ZNF385D: variants seen among roughly 807,000 people sequenced by gnomAD.
ZNF385D encodes zinc finger protein 385D.
A neutral mutation model predicts 35.8 loss-of-function variants in ZNF385D; 15 were observed. The observed-to-expected ratio is 0.42, with a 90% CI of 0.28 to 0.64. The LOEUF (loss-of-function observed/expected upper bound fraction) is 0.64, where lower values mean the gene tolerates loss of function less well. Among genes scored for constraint, ZNF385D ranks in the 30% least tolerant of loss-of-function variants. The probability of loss-of-function intolerance (pLI) is 0.23; values close to 1 mark genes in which losing one functional copy is unlikely to be tolerated. For missense variants in ZNF385D, 474 were observed against 494.6 expected (o/e 0.96, Z 0.39); for synonymous variants, 212 against 186.8 (o/e 1.13, Z -1.10).
At chr3:21,428,933 C>CTTTTTTT (rs56827844) in intron 5 of ZNF385D, among the ~76,000 whole-genome samples, 2 of 112,040 alleles carry the variant, frequency 1.8e-5, no homozygotes, top group South Asian at 5.8e-4. Context: ...CCAAGAAATC[C>CTTTTTTT]TTTTTTTTTT....
chr3:21,990,980 A>T (rs1175452370), intron 3 of ZNF385D, among the ~76,000 whole-genome samples: 1 of 152,242 alleles, frequency 6.6e-6, no homozygotes. Context: ...GCACTGTACC[A>T]AGAATTAGAA....
intron 3 of ZNF385D, among the ~76,000 whole-genome samples, chr3:22,131,363 T>A (rs183522962): frequency 1.1e-4 from 16 of 151,452 alleles, no homozygotes; most frequent in Middle Eastern, 3.4e-3. Context: ...CTATTTGGAG[T>A]AGATTAAAAA....
At chr3:21,905,809 T>C (rs1699657238) in intron 3 of ZNF385D, among the ~76,000 whole-genome samples, 1 of 152,068 alleles carries the variant, frequency 6.6e-6, no homozygotes, top group Non-Finnish European at 1.5e-5. Context: ...AAATAAAAAG[T>C]TCATATATTT....
chr3:21,801,050 C>G (rs1246147654), intron 3 of ZNF385D, among the ~76,000 whole-genome samples: 2 of 151,970 alleles, frequency 1.3e-5, no homozygotes, highest in African/African-American at 2.4e-5. Context: ...TTTGTTTTGT[C>G]AAGTAATTTT....
chr3:21,735,206 T>G, intron 1 of ZNF385D, among the ~76,000 whole-genome samples: 1 of 152,132 alleles, frequency 6.6e-6, no homozygotes, highest in East Asian at 1.9e-4. Flanking sequence ...GAAAAGTAAC[T>G]TAATGTCAGT....
At chr3:21,826,873 G>A (rs1019539561) in intron 3 of ZNF385D, among the ~76,000 whole-genome samples, 2 of 151,724 alleles carry the variant, frequency 1.3e-5, no homozygotes, top group African/African-American at 4.8e-5. Context: ...AGTGGTCCCA[G>A]GGTCCTCTCT....
chr3:21,719,541 G>C (rs913966895), intron 1 of ZNF385D, among the ~76,000 whole-genome samples: 16 of 152,112 alleles, frequency 1.1e-4, no homozygotes, highest in Admixed American at 2.6e-4. Flanking sequence ...CATTTTAATA[G>C]TAAAAAAACA....
intron 4 of ZNF385D, among the ~76,000 whole-genome samples, chr3:21,451,168 A>ATATGACGAACCAG (rs1426385469): frequency 7.9e-5 from 12 of 152,224 alleles, no homozygotes; most frequent in Admixed American, 7.9e-4. Flanking sequence ...TGACGAACCA[A>ATATGACGAACCAG]TCAATACGAT....
intron 3 of ZNF385D, among the ~76,000 whole-genome samples, chr3:21,809,127 A>T (rs7644686): frequency 6.6e-6 from 1 of 151,904 alleles, no homozygotes; most frequent in Non-Finnish European, 1.5e-5. Flanking sequence ...TCAAAAACAC[A>T]CAAAGTACCA....
At chr3:21,510,235 G>A (rs4102412) in intron 4 of ZNF385D, among the ~76,000 whole-genome samples, 52,758 of 151,938 alleles carry the variant, frequency 0.35, 9,230 homozygotes, top group African/African-American at 0.37. Flanking sequence ...TAAGCTGGTC[G>A]TTGGCAGGAG....
chr3:22,333,464 T>C (rs1049326421), intron 2 of ZNF385D, among the ~76,000 whole-genome samples: 2 of 152,010 alleles, frequency 1.3e-5, no homozygotes, highest in African/African-American at 2.4e-5. Flanking sequence ...TCATTTTTTT[T>C]CTATCTTTTT....
intron 3 of ZNF385D, among the ~76,000 whole-genome samples, chr3:21,933,227 T>G (rs1701100106): frequency 6.6e-6 from 1 of 152,214 alleles, no homozygotes; most frequent in Non-Finnish European, 1.5e-5. Flanking sequence ...GCTTTTTCTC[T>G]TTTCCCTCCA....
At chr3:21,680,575 A>T (rs891972406) in intron 1 of ZNF385D, among the ~76,000 whole-genome samples, 8 of 152,140 alleles carry the variant, frequency 5.3e-5, no homozygotes, top group African/African-American at 1.7e-4. Flanking sequence ...AACTAATAAT[A>T]TCGGATATGA....
chr3:21,515,455 T>G lies in ZNF385D; in HGVS notation c.277-4432A>C, dbSNP rs147978920. Among the ~76,000 whole-genome samples the G allele has an allele frequency of 5.8e-3, 890 of 152,328 alleles. 7 individuals carry two copies. The highest frequency in any genetic ancestry group is 9.5e-3 in the African/African-American group (394 of 41,578). On this transcript the variant is annotated intron_variant, in intron 3 of 7. Coordinates refer to ENST00000281523, the MANE Select transcript of ZNF385D (RefSeq NM_024697.3). The stretch of plus-strand genomic sequence containing the variant: ...AAAAAGAACAAGGTAGCCTTTTTAG[T>G]TTGTGATGTCATGTAATTTTATCAT...
At chr3:21,874,388 A>AAG (rs1249569644) in intron 3 of ZNF385D, among the ~76,000 whole-genome samples, 6 of 152,020 alleles carry the variant, frequency 3.9e-5, no homozygotes, top group Non-Finnish European at 5.9e-5. Context: ...GGAATTTCTT[A>AAG]AATTTTTTAG....
At chr3:21,753,405 G>C (rs536259001), upstream of ZNF385D, among the ~76,000 whole-genome samples, 46 of 152,230 alleles carry the variant, frequency 3.0e-4, no homozygotes, top group African/African-American at 1.1e-3. Context: ...TATCTATATG[G>C]TCACAAATAC....
At chr3:22,358,162 T>C (rs1024654073) in intron 2 of ZNF385D, among the ~76,000 whole-genome samples, 3 of 151,858 alleles carry the variant, frequency 2.0e-5, no homozygotes, top group African/African-American at 7.2e-5. Flanking sequence ...AAAGAGACTT[T>C]TGGATGTGAC....
At chr3:21,831,192 C>A (rs1302899123) in intron 3 of ZNF385D, among the ~76,000 whole-genome samples, 6 of 151,856 alleles carry the variant, frequency 4.0e-5, no homozygotes, top group African/African-American at 7.3e-5. Flanking sequence ...TTTTTTGTTA[C>A]CTGGAACGTC....
intron 2 of ZNF385D, among the ~76,000 whole-genome samples, chr3:21,590,413 A>G (rs1232062626): frequency 6.6e-6 from 1 of 152,192 alleles, no homozygotes; most frequent in African/African-American, 2.4e-5. Context: ...AGGTACATGT[A>G]GTTTATATTA....
Sources: allele counts gnomAD v4.1 joint callset (sites outside exome capture counted in the v4.1 genomes callset), GRCh38; gene constraint gnomAD v4.1.1; transcripts MANE v1.5; gene names NCBI Gene and HGNC (gene_info 2026-07-23, HGNC 2026-07-21).